The following DDX46 variants were observed in gnomAD, a reference collection of about 807,000 sequenced individuals.
DDX46 encodes the protein DEAD-box helicase 46, also known as probable ATP-dependent RNA helicase DDX46.
In DDX46, 30 loss-of-function variants were observed where a neutral mutation model predicts 134.9. That is an observed-to-expected ratio of 0.22 (90% CI 0.17 to 0.30). DDX46 has a LOEUF of 0.30. Ranked by LOEUF, DDX46 falls within the 10% of genes least tolerant of loss-of-function variation. The pLI is 1.00. For missense variants in DDX46, 622 were observed against 1,248.7 expected, an observed-to-expected ratio of 0.50 and a Z score of 7.56; for synonymous variants, 415 against 404.1, an observed-to-expected ratio of 1.03 and a Z score of -0.32.
chr5:134,775,333 A>G (rs1189581341), intron 5 of DDX46, among the ~76,000 whole-genome samples: 1 of 152,146 alleles, frequency 6.6e-6, no homozygotes, highest in Non-Finnish European at 1.5e-5. Context: ...AAAGTAGGAG[A>G]TTGTAGAATT....
intron 21 of DDX46, among the ~76,000 whole-genome samples, chr5:134,822,846 G>A (rs1469972649): frequency 6.6e-6 from 1 of 152,036 alleles, no homozygotes; most frequent in South Asian, 2.1e-4. Context: ...CAAAGTGATG[G>A]GATTACAAAC....
At chr5:134,767,642 AG>A (rs1753617807) in intron 3 of DDX46, among the ~76,000 whole-genome samples, 1 of 151,612 alleles carries the variant, frequency 6.6e-6, no homozygotes, top group African/African-American at 2.4e-5. Flanking sequence ...CGCCCAGCCA[AG>A]ACTTGTCTTA....
chr5:134,813,238 C>G (rs1036776541), intron 18 of DDX46, among the ~76,000 whole-genome samples: 1 of 152,194 alleles, frequency 6.6e-6, no homozygotes, highest in African/African-American at 2.4e-5. Flanking sequence ...CCACCACGCC[C>G]GACCACATTT....
chr5:134,782,546 C>T (rs1282273070), intron 8 of DDX46, among the ~76,000 whole-genome samples: 1 of 151,888 alleles, frequency 6.6e-6, no homozygotes, highest in East Asian at 1.9e-4. Flanking sequence ...GGTCTCACTC[C>T]ATTGCCCAGG....
chr5:134,819,252 A>T (rs769751452), intron 21 of DDX46, among the ~76,000 whole-genome samples: 1 of 152,208 alleles, frequency 6.6e-6, no homozygotes, highest in Non-Finnish European at 1.5e-5. Flanking sequence ...AAGAAAACTT[A>T]CATTTTAAGG....
chr5:134,759,055 C>T, intron 1 of DDX46, 100 bp downstream of exon 1: 1 of 1,540,950 alleles, frequency 6.5e-7, no homozygotes, highest in African/African-American at 1.4e-5. Context: ...CTGGCGCGGC[C>T]CCACGTGCGG....
intron 7 of DDX46, 70 bp from the exon 8 acceptor site, chr5:134,781,851 G>A: frequency 7.1e-7 from 1 of 1,412,946 alleles, no homozygotes; most frequent in Non-Finnish European, 9.7e-7. Flanking sequence ...TGAAAAGCTA[G>A]GAGTATTGCT....
At chr5:134,804,447 A>T (rs897187921) in intron 15 of DDX46, among the ~76,000 whole-genome samples, 3 of 151,688 alleles carry the variant, frequency 2.0e-5, no homozygotes, top group Non-Finnish European at 4.4e-5. Flanking sequence ...TTGTCTTTTT[A>T]TTTTTTTTGG....
At position 134,829,453 on chromosome 5, in the gene DDX46, A is replaced by G. The variant is rs963630901; in HGVS notation, c.*747A>G. 2.6e-5 allele frequency: 4 copies of G among 152,072 alleles called. No individual in the cohort carries two copies. The highest frequency in any genetic ancestry group is 4.4e-5 in the Non-Finnish European group (3 of 68,002). The allele number at this position is 152,072 out of a possible 1,614,324, so 9.4% of individuals were successfully genotyped here. ...AAAGAGTGTAGCCTATAAATACTAAATATGATACCTTTTCCTTCTAGAAAG... is the reference window on the plus strand; with the variant it reads ...AAAGAGTGTAGCCTATAAATACTAAGTATGATACCTTTTCCTTCTAGAAAG... On this transcript the variant is annotated 3_prime_UTR_variant, in exon 23 of 23. Transcript: ENST00000452510.
At chr5:134,772,710 T>A (rs1013778457) in intron 4 of DDX46, among the ~76,000 whole-genome samples, 24 of 152,174 alleles carry the variant, frequency 1.6e-4, no homozygotes, top group African/African-American at 5.5e-4. Context: ...TTCCCCCTGT[T>A]GGCCAGACTG....
chr5:134,803,639 A>C (rs889810584), intron 15 of DDX46, among the ~76,000 whole-genome samples: 1 of 152,116 alleles, frequency 6.6e-6, no homozygotes. Flanking sequence ...CCAAGTGTCA[A>C]CTTTCTTCCC....
At chr5:134,768,435 G>C (rs1753651465) in intron 3 of DDX46, among the ~76,000 whole-genome samples, 1 of 151,020 alleles carries the variant, frequency 6.6e-6, no homozygotes, top group Admixed American at 6.7e-5. Flanking sequence ...TTGCTCTAGG[G>C]ATATCTAGTA....
chr5:134,796,211 G>T (rs1754649135), intron 15 of DDX46, 61 bp downstream of exon 15: 2 of 1,557,788 alleles, frequency 1.3e-6, no homozygotes, highest in Non-Finnish European at 8.7e-7. Context: ...GCATTGTGCT[G>T]TGTTCTCGAT....
intron 4 of DDX46, 149 bp from the exon 5 acceptor site, chr5:134,773,547 A>G (rs1753840038): frequency 1.4e-6 from 1 of 703,770 alleles, no homozygotes; most frequent in Admixed American, 3.4e-5. Context: ...TATGTGATCT[A>G]AGTCTACCCT....
At chr5:134,777,478 A>G (rs554333627) in intron 5 of DDX46, 96 bp from the exon 6 acceptor site, 5 of 1,367,606 alleles carry the variant, frequency 3.7e-6, no homozygotes, top group Admixed American at 2.4e-5. Flanking sequence ...GTGTTTGGGC[A>G]GTGGCAGAAA....
intron 15 of DDX46, among the ~76,000 whole-genome samples, chr5:134,806,341 G>A (rs900663205): frequency 6.6e-6 from 1 of 152,144 alleles, no homozygotes; most frequent in Non-Finnish European, 1.5e-5. Context: ...ACTATGTGTT[G>A]GGTTGGTATG....
At chr5:134,766,238 G>GT (rs1753564746) in intron 2 of DDX46, among the ~76,000 whole-genome samples, 1 of 152,122 alleles carries the variant, frequency 6.6e-6, no homozygotes, top group Non-Finnish European at 1.5e-5. Flanking sequence ...ACTTATTATG[G>GT]TTTTTTCACA....
At chr5:134,811,189 T>C in intron 16 of DDX46, 32 bp from the exon 17 acceptor site, 1 of 1,603,962 alleles carries the variant, frequency 6.2e-7, no homozygotes, top group East Asian at 2.2e-5. Flanking sequence ...CTTGTTAGTG[T>C]CTAATAATTG....
In DDX46 at chr5:134,810,928, C is replaced by G. The variant is rs1316947398; in HGVS notation, c.2149-293C>G. On this transcript the variant is annotated intron_variant, in intron 16 of 22. Coordinates refer to ENST00000452510, the MANE Select transcript of DDX46 (RefSeq NM_001300860.2). ...GGCTGAGGCAGGAGAATCACTTGAACCCGGGAGGCAGAGGTTGCAATGAGC... is the reference window on the plus strand; with the variant it reads ...GGCTGAGGCAGGAGAATCACTTGAAGCCGGGAGGCAGAGGTTGCAATGAGC... 3.3e-5 allele frequency among the ~76,000 whole-genome samples: 5 copies of G among 151,976 alleles called. No homozygotes were observed. The South Asian group carries it at 6.2e-4, about 19-fold the overall frequency.
Sources: allele counts gnomAD v4.1 joint callset (sites outside exome capture counted in the v4.1 genomes callset), GRCh38; gene constraint gnomAD v4.1.1; transcripts MANE v1.5; gene names NCBI Gene and HGNC (gene_info 2026-07-23, HGNC 2026-07-21).